Variants in LTC4S observed in about 807,000 individuals in gnomAD.
LTC4S encodes LTC4 synthase.
LTC4S carries 18 observed loss-of-function variants against 19.6 expected under a neutral mutation model. The ratio of observed to expected loss-of-function variants is 0.92; its 90% CI spans 0.64 to 1.36. The LOEUF (loss-of-function observed/expected upper bound fraction) is 1.36. LTC4S is among the 40% of genes most tolerant of loss of function. The pLI is 0.00. For synonymous variants in LTC4S, 126 were observed against 110.1 expected (o/e 1.14, Z -0.91); for missense variants, 235 against 212.2 (o/e 1.11, Z -0.67).
rs1216699645 is a variant in LTC4S at position 179,796,290 on chromosome 5, C to G, written c.349C>G (p.Leu117Val). The G allele has an allele frequency of 6.8e-7, 1 of 1,472,540 alleles. No homozygotes were observed. Among genetic ancestry groups the G allele is most frequent in the Admixed American group, 2.4e-5 (1 of 42,012 alleles). The allele number at this position is 1,472,540 out of a possible 1,614,324, so 91.2% of individuals were successfully genotyped here. A position where few individuals can be genotyped will look rare whatever the true frequency, so the allele number is the denominator to read the frequency against. Residue 117 changes from leucine (L) to valine (V), a missense_variant, in exon 5 of 5, where the codon CTG (leucine) becomes GTG (valine). Leu to Val is a conservative substitution (Grantham distance 32). Transcript: ENST00000292596. ...PLYASARALWLLVALAALGLL... is the reference protein window; with the variant it reads ...PLYASARALWVLVALAALGLL... ...GTACGCGAGCGCGCGCGCCCTCTGG[C>G]TGCTGGTGGCGCTGGCTGCGCTCGG...
chr5:179,796,091 G>A (rs975964779), intron 4 of LTC4S, 69 bp downstream of exon 4: 24 of 1,390,422 alleles, frequency 1.7e-5, no homozygotes, highest in East Asian at 1.4e-4. Flanking sequence ...CCTGGGGAGC[G>A]GGACCGAAGC....
chr5:179,795,860 G>T lies in LTC4S; in HGVS notation c.229+4G>T. ...GCCGGCATCTTCTTTCATGAAGGTC[G>T]GGGTGTGGGGCAGGGGCGCACGCGC... On this transcript the variant is annotated splice_donor_region_variant and intron_variant, in intron 3 of 4. Transcript: ENST00000292596. 1 of 1,605,462 alleles carries T rather than the reference G, an allele frequency of 6.2e-7. No homozygotes were observed. Among genetic ancestry groups the T allele is most frequent in the East Asian group, 2.2e-5 (1 of 44,794 alleles).
At chr5:179,795,563 C>A (rs1189969923) in intron 1 of LTC4S, 21 bp from the exon 2 acceptor site, 4 of 1,598,526 alleles carry the variant, frequency 2.5e-6, no homozygotes, top group Non-Finnish European at 3.4e-6. Context: ...GACCTGACTC[C>A]CGCTCCCCCT....
Position 179,796,266 on chromosome 5 carries a change from T to C in LTC4S, c.325T>C (p.Tyr109His), listed in dbSNP as rs1756620933. 4 of 1,467,294 alleles carry C rather than the reference T, an allele frequency of 2.7e-6. No individual in the cohort carries two copies. In the Admixed American group the frequency reaches 7.2e-5, roughly 27 times the overall value. 90.9% of individuals were successfully genotyped at this position (1,467,294 alleles called of 1,614,324 possible). The stretch of plus-strand genomic sequence containing the variant: ...CGCCGCCCGCAGGCTGGCACCGCTG[T>C]ACGCGAGCGCGCGCGCCCTCTGGCT... ...RSAQLRLAPL[Y>H]ASARALWLLV... Residue 109 changes from tyrosine (Y) to histidine (H), a missense_variant, in exon 5 of 5, where the codon TAC becomes CAC. By Grantham distance (83) the Tyr-to-His change is moderately conservative. Coordinates refer to ENST00000292596, the MANE Select transcript of LTC4S (RefSeq NM_145867.2).
rs989566834 is a variant in LTC4S, at chr5:179,796,027, G to C, written c.311+5G>C. The C allele has an allele frequency of 3.3e-6, 5 of 1,517,222 alleles. No homozygotes were observed. Among genetic ancestry groups the C allele is most frequent in the Non-Finnish European group, 4.4e-6 (5 of 1,139,362 alleles). 94.0% of individuals were successfully genotyped at this position (1,517,222 alleles called of 1,614,324 possible). A position where few individuals can be genotyped will look rare whatever the true frequency, so the allele number is the denominator to read the frequency against. On this transcript the variant is annotated splice_donor_5th_base_variant and intron_variant, in intron 4 of 4. Coordinates refer to ENST00000292596, the MANE Select transcript of LTC4S (RefSeq NM_145867.2). Reference sequence around the variant, plus strand: ...CGCGCGCTCCGCGCAGCTCAGGTGAGGGCCGGGCGGGGAGCGGGGCGGGGC... The same window carrying C: ...CGCGCGCTCCGCGCAGCTCAGGTGACGGCCGGGCGGGGAGCGGGGCGGGGC...
chr5:179,795,761 C>T (rs1581964356), intron 2 of LTC4S, 25 bp from the exon 3 acceptor site: 1 of 1,576,700 alleles, frequency 6.3e-7, no homozygotes. Flanking sequence ...CCGGCCGGCG[C>T]GCTCATCCCA....
At chr5:179,795,298 G>A in intron 1 of LTC4S, 1 of 1,110,006 alleles carries the variant, frequency 9.0e-7, no homozygotes, top group Non-Finnish European at 1.2e-6. Context: ...CGGAGCAGGT[G>A]TCCCTGTGCC....
rs1291999945 is a variant in LTC4S at position 179,796,233 on chromosome 5, C to A, written c.312-20C>A. On this transcript the variant is annotated intron_variant, in intron 4 of 4. Coordinates refer to ENST00000292596, the MANE Select transcript of LTC4S (RefSeq NM_145867.2). ...AAGCGGGCCTCCTCGCGCCACCTCC[C>A]CGCTGACCGCCGCCCGCAGGCTGGC... 3 of 1,446,452 alleles carry A rather than the reference C, an allele frequency of 2.1e-6. No individual in the cohort carries two copies. The African/African-American group carries it at 4.4e-5, about 21-fold the overall frequency. The allele number at this position is 1,446,452 out of a possible 1,614,324, so 89.6% of individuals were successfully genotyped here.
Position 179,795,987 on chromosome 5 carries a change from C to T in LTC4S, c.276C>T (p.Arg92=). ...CGLVYLFARL[R]YFQGYARSAQ... ...TGGTCTACCTGTTCGCGCGCCTCCGCTACTTCCAGGGCTACGCGCGCTCCG... is the reference window on the plus strand; with the variant it reads ...TGGTCTACCTGTTCGCGCGCCTCCGTTACTTCCAGGGCTACGCGCGCTCCG... The change falls in exon 4 of 5, where the codon CGC becomes CGT. Residue 92 remains arginine, a synonymous_variant. Coordinates refer to ENST00000292596, the MANE Select transcript of LTC4S (RefSeq NM_145867.2). 1 of 1,539,326 alleles carries T rather than the reference C, an allele frequency of 6.5e-7. No individual in the cohort carries two copies. Among genetic ancestry groups the T allele is most frequent in the Non-Finnish European group, 8.7e-7 (1 of 1,148,802 alleles).
intron 4 of LTC4S, 25 bp from the exon 5 acceptor site, chr5:179,796,228 C>T: frequency 6.9e-7 from 1 of 1,440,204 alleles, no homozygotes; most frequent in Non-Finnish European, 9.1e-7. Flanking sequence ...CCTCGCGCCA[C>T]CTCCCCGCTG....
At position 179,796,586 on chromosome 5, in the gene LTC4S, T is replaced by TCCGGGCAGC; in HGVS notation, c.*198_*206dup. 1 of 843,234 alleles carries TCCGGGCAGC rather than the reference T, an allele frequency of 1.2e-6. No homozygotes were observed. Among genetic ancestry groups the TCCGGGCAGC allele is most frequent in the East Asian group, 3.5e-5 (1 of 28,660 alleles). 52.2% of individuals were successfully genotyped at this position (843,234 alleles called of 1,614,324 possible). A position where few individuals can be genotyped will look rare whatever the true frequency, so the allele number is the denominator to read the frequency against. ...GGAGCCTGGAGGGGCCCAGCCCGAG[T>TCCGGGCAGC]CCGGGCAGCCCGGGGCGGGCTTCCT... On this transcript the variant is annotated 3_prime_UTR_variant, in exon 5 of 5. Transcript: ENST00000292596.
At position 179,796,242 on chromosome 5, in the gene LTC4S, G is replaced by A. The variant is rs1480395211; in HGVS notation, c.312-11G>A. 2 of 1,448,936 alleles carry A rather than the reference G, an allele frequency of 1.4e-6. No homozygotes were observed. Among genetic ancestry groups the A allele is most frequent in the South Asian group, 1.3e-5 (1 of 74,982 alleles). The allele number at this position is 1,448,936 out of a possible 1,614,324, so 89.8% of individuals were successfully genotyped here. A position where few individuals can be genotyped will look rare whatever the true frequency, so the allele number is the denominator to read the frequency against. ...TCCTCGCGCCACCTCCCCGCTGACC[G>A]CCGCCCGCAGGCTGGCACCGCTGTA... On this transcript the variant is annotated splice_polypyrimidine_tract_variant and intron_variant, in intron 4 of 4. Coordinates refer to ENST00000292596, the MANE Select transcript of LTC4S (RefSeq NM_145867.2).
At position 179,795,780 on chromosome 5, in the gene LTC4S, C is replaced by T; in HGVS notation, c.159-6C>T. The T allele has an allele frequency of 6.3e-7, 1 of 1,594,654 alleles. No homozygotes were observed. Among genetic ancestry groups the T allele is most frequent in the Non-Finnish European group, 8.5e-7 (1 of 1,172,042 alleles). ...CCGGCGCGCTCATCCCACCCGCCCA[C>T]CGCAGGGTGAACTGCAGCGAGTACT... On this transcript the variant is annotated splice_polypyrimidine_tract_variant and splice_region_variant and intron_variant, in intron 2 of 4. Coordinates refer to ENST00000292596, the MANE Select transcript of LTC4S (RefSeq NM_145867.2).
intron 1 of LTC4S, among the ~76,000 whole-genome samples, chr5:179,794,756 T>G (rs1218955317): frequency 1.3e-5 from 2 of 152,324 alleles, no homozygotes; most frequent in East Asian, 3.9e-4. Flanking sequence ...GTGCCAGGGC[T>G]GCAGGACTCA....
At position 179,796,419 on chromosome 5, in the gene LTC4S, GC is replaced by G; in HGVS notation, c.*27del. ...AGACCAAGGCCCCCGGGCCGACGGA[GC>G]CGGGAAAGAAGAGCCGGAGCCTCCA... On this transcript the variant is annotated 3_prime_UTR_variant, in exon 5 of 5. Coordinates refer to ENST00000292596, the MANE Select transcript of LTC4S (RefSeq NM_145867.2). 6.8e-7 allele frequency: 1 copy of G among 1,475,368 alleles called. No individual in the cohort carries two copies. Among genetic ancestry groups the G allele is most frequent in the Non-Finnish European group, 8.9e-7 (1 of 1,118,336 alleles). The allele number at this position is 1,475,368 out of a possible 1,614,324, so 91.4% of individuals were successfully genotyped here.
rs747406298 is a variant in LTC4S at position 179,795,927 on chromosome 5, C to A, written c.230-14C>A. The A allele has an allele frequency of 1.3e-6, 2 of 1,574,952 alleles. No homozygotes were observed. Among genetic ancestry groups the A allele is most frequent in the Non-Finnish European group, 8.6e-7 (1 of 1,165,162 alleles). The stretch of plus-strand genomic sequence containing the variant: ...GCGCAGGGCGCTCACCAGGCCCGTG[C>A]GTACCTCTCGCAGGGGCGGCGGCCC... On this transcript the variant is annotated splice_polypyrimidine_tract_variant and intron_variant, in intron 3 of 4. Coordinates refer to ENST00000292596, the MANE Select transcript of LTC4S (RefSeq NM_145867.2).
chr5:179,795,408 G>A, intron 1 of LTC4S, 176 bp from the exon 2 acceptor site: 1 of 1,459,386 alleles, frequency 6.9e-7, no homozygotes. Flanking sequence ...CAGGGACACA[G>A]GGCAGGCCAG....
intron 1 of LTC4S, among the ~76,000 whole-genome samples, chr5:179,794,998 C>G (rs1184634677): frequency 6.6e-6 from 1 of 152,196 alleles, no homozygotes; most frequent in Non-Finnish European, 1.5e-5. Flanking sequence ...CAGATTTAGG[C>G]CTGGGACCGG....
chr5:179,796,310 G>A lies in LTC4S; in HGVS notation c.369G>A (p.Ala123=), dbSNP rs1187254874. ...RALWLLVALA[A]LGLLAHFLPA... is the part of the protein sequence containing the mutation. ...TCTGGCTGCTGGTGGCGCTGGCTGC[G>A]CTCGGCCTGCTCGCCCACTTCCTCC... is the stretch of plus-strand genomic sequence containing the variant. Residue 123 remains alanine, a synonymous_variant, in exon 5 of 5, where the codon GCG becomes GCA. Transcript: ENST00000292596. 5 of 1,481,668 alleles carry A rather than the reference G, an allele frequency of 3.4e-6. No homozygotes were observed. The Admixed American group carries it at 6.9e-5, about 20-fold the overall frequency. 91.8% of individuals were successfully genotyped at this position (1,481,668 alleles called of 1,614,324 possible).
Sources: gnomAD v4.1 joint callset for allele counts (sites outside exome capture counted in the v4.1 genomes callset) on GRCh38, gnomAD v4.1.1 for gene constraint, MANE v1.5 for transcripts, NCBI Gene and HGNC (gene_info 2026-07-23, HGNC 2026-07-21) for gene names.